ARSB: variants seen among roughly 807,000 people sequenced by gnomAD.
The protein encoded by ARSB is N-acetylgalactosamine-4-sulfatase.
ARSB carries 41 observed loss-of-function variants against 50.9 expected under a neutral mutation model. The ratio of observed to expected loss-of-function variants is 0.81; its 90% CI spans 0.63 to 1.04. The LOEUF is 1.04. ARSB is among the 50% of genes least tolerant of loss of function. The pLI is 0.00. For missense variants in ARSB, 672 were observed against 693.3 expected (o/e 0.97, Z 0.35); for synonymous variants, 269 against 284.8 (o/e 0.94, Z 0.56).
At chr5:78,961,888 T>C (rs1042599283) in intron 3 of ARSB, among the ~76,000 whole-genome samples, 1 of 151,968 alleles carries the variant, frequency 6.6e-6, no homozygotes, top group African/African-American at 2.4e-5. Context: ...GGAGGAGGAA[T>C]AATGAAACAC....
chr5:78,963,707 A>G (rs947741260), intron 3 of ARSB, among the ~76,000 whole-genome samples: 6 of 152,180 alleles, frequency 3.9e-5, no homozygotes, highest in African/African-American at 1.4e-4. Flanking sequence ...AGTATAGTAA[A>G]TGTGAAAAAT....
At chr5:78,942,901 T>A (rs1173057454) in intron 4 of ARSB, among the ~76,000 whole-genome samples, 2 of 152,198 alleles carry the variant, frequency 1.3e-5, no homozygotes, top group Non-Finnish European at 2.9e-5. Flanking sequence ...CCCATTATTA[T>A]TGTGTGGGAG....
intron 5 of ARSB, among the ~76,000 whole-genome samples, chr5:78,860,927 T>G (rs982239174): frequency 1.1e-4 from 16 of 151,956 alleles, no homozygotes; most frequent in South Asian, 2.1e-4. Context: ...TGATAAAGGG[T>G]ATATCAGCAC....
At chr5:78,867,395 C>A (rs1380876397) in intron 5 of ARSB, among the ~76,000 whole-genome samples, 1 of 151,724 alleles carries the variant, frequency 6.6e-6, no homozygotes, top group Admixed American at 6.6e-5. Context: ...ACAGCAGTAA[C>A]CTCTGCAGAC....
At chr5:78,920,517 G>T (rs1360887494) in intron 4 of ARSB, among the ~76,000 whole-genome samples, 7 of 152,182 alleles carry the variant, frequency 4.6e-5, no homozygotes, top group African/African-American at 1.7e-4. Flanking sequence ...GATACACTGT[G>T]AGACTTAGGT....
chr5:78,952,922 C>CT (rs1196865114), intron 4 of ARSB, among the ~76,000 whole-genome samples: 3 of 152,084 alleles, frequency 2.0e-5, no homozygotes, highest in South Asian at 2.1e-4. Context: ...GTCCTAGCAT[C>CT]TTTTTTTTAA....
At chr5:78,864,974 G>A (rs375706926) in intron 5 of ARSB, among the ~76,000 whole-genome samples, 1 of 152,192 alleles carries the variant, frequency 6.6e-6, no homozygotes, top group African/African-American at 2.4e-5. Context: ...GGCTTTGCAG[G>A]GTACAACCTC....
intron 3 of ARSB, among the ~76,000 whole-genome samples, chr5:78,958,735 G>T (rs534816593): frequency 1.3e-5 from 2 of 151,928 alleles, no homozygotes; most frequent in Non-Finnish European, 2.9e-5. Flanking sequence ...TAAATAACTA[G>T]GAAAGACCAG....
At chr5:78,979,644 C>T (rs891448638) in intron 1 of ARSB, among the ~76,000 whole-genome samples, 2 of 152,130 alleles carry the variant, frequency 1.3e-5, no homozygotes, top group African/African-American at 4.8e-5. Flanking sequence ...CCCTGTTTCC[C>T]CCTTTTTTCC....
At position 78,972,516 on chromosome 5, in the gene ARSB, T is replaced by TACACACACACACACACACAC. The variant is rs59035274; in HGVS notation, c.313-3344_313-3325dup. Among the ~76,000 whole-genome samples, 1,128 of 145,642 alleles carry TACACACACACACACACACAC rather than the reference T, an allele frequency of 7.7e-3. 25 individuals carry two copies. The highest frequency in any genetic ancestry group is 0.028 in the African/African-American group (1,068 of 38,178). On this transcript the variant is annotated intron_variant, in intron 1 of 7. Transcript: ENST00000264914. ...CTCTTAGCACATTTGCACGCATACG[T>TACACACACACACACACACAC]ACACACACACACACACACACACACA...
At chr5:78,807,771 A>G (rs573784877) in intron 6 of ARSB, among the ~76,000 whole-genome samples, 1 of 152,314 alleles carries the variant, frequency 6.6e-6, no homozygotes, top group South Asian at 2.1e-4. Flanking sequence ...TGAGAACAAA[A>G]TACTGTTTCC....
chr5:78,966,708 A>G (rs934152888), intron 2 of ARSB, among the ~76,000 whole-genome samples: 1 of 152,156 alleles, frequency 6.6e-6, no homozygotes, highest in Admixed American at 6.5e-5. Flanking sequence ...ATTTTTAAGT[A>G]CCTAACTTGG....
intron 4 of ARSB, among the ~76,000 whole-genome samples, chr5:78,908,103 T>C (rs1749146741): frequency 6.6e-6 from 1 of 152,198 alleles, no homozygotes; most frequent in African/African-American, 2.4e-5. Flanking sequence ...TGCTGGGGTC[T>C]TGATTTTCTT....
chr5:78,956,807 G>A (rs1289280764), intron 3 of ARSB, among the ~76,000 whole-genome samples: 1 of 152,134 alleles, frequency 6.6e-6, no homozygotes, highest in African/African-American at 2.4e-5. Context: ...CACATTAACC[G>A]AAGAGCAATT....
rs75425231 is a variant in ARSB, at chr5:78,966,501, T to C, written c.500-1895A>G. ...ATTGGTTTCTAGTGTATTCACAGGC[T>C]TGTGCAACTATCCCACCATCACCTG... On this transcript the variant is annotated intron_variant, in intron 2 of 7. Transcript: ENST00000264914. 8.2e-3 allele frequency among the ~76,000 whole-genome samples: 1,248 copies of C among 152,330 alleles called. 19 individuals are homozygous for C. The highest frequency in any genetic ancestry group is 0.029 in the African/African-American group (1,209 of 41,574).
chr5:78,853,991 TCCC>T, intron 5 of ARSB, among the ~76,000 whole-genome samples: 1 of 152,368 alleles, frequency 6.6e-6, no homozygotes, highest in Non-Finnish European at 1.5e-5. Flanking sequence ...GAAAGGGAAC[TCCC>T]TGACCCCTTG....
At chr5:78,904,299 T>G (rs1309790578) in intron 4 of ARSB, among the ~76,000 whole-genome samples, 1 of 152,222 alleles carries the variant, frequency 6.6e-6, no homozygotes, top group Non-Finnish European at 1.5e-5. Context: ...GCTATAAATA[T>G]ATGGGTATTG....
chr5:78,970,179 CCCTT>C (rs66930746), intron 1 of ARSB, among the ~76,000 whole-genome samples: 30,049 of 152,048 alleles, frequency 0.2, 3,669 homozygotes, highest in Admixed American at 0.29. Flanking sequence ...AAATAGCCCT[CCCTT>C]TTCCAACTAC....
At chr5:78,940,241 C>T (rs1208547407) in intron 4 of ARSB, among the ~76,000 whole-genome samples, 1 of 152,180 alleles carries the variant, frequency 6.6e-6, no homozygotes, top group Non-Finnish European at 1.5e-5. Flanking sequence ...TGCCTGTTCA[C>T]TCTGATGGTA....
Sources: gnomAD v4.1 joint callset for allele counts (sites outside exome capture counted in the v4.1 genomes callset) on GRCh38, gnomAD v4.1.1 for gene constraint, MANE v1.5 for transcripts, NCBI Gene and HGNC (gene_info 2026-07-23, HGNC 2026-07-21) for gene names.